TRAPPC9: variants seen among roughly 807,000 people sequenced by gnomAD.
TRAPPC9 encodes trafficking protein particle complex subunit 9.
TRAPPC9 carries 83 observed loss-of-function variants against 124.0 expected under a neutral mutation model. The ratio of observed to expected loss-of-function variants is 0.67; its 90% CI spans 0.56 to 0.80. The LOEUF is 0.80. Among genes scored for constraint, TRAPPC9 ranks in the 30% least tolerant of loss-of-function variants. The pLI, the probability that TRAPPC9 is intolerant of heterozygous loss-of-function variation, is 0.00. For missense variants in TRAPPC9, 1,302 were observed against 1,508.3 expected (o/e 0.86, Z 2.27); for synonymous variants, 638 against 617.5 (o/e 1.03, Z -0.49).
rs1475829582 is a variant in TRAPPC9 at position 140,015,248 on chromosome 8, A to G, written c.2699+8689T>C. Reference sequence around the variant, plus strand: ...AGGACATCTAGATGCCAGCCCTGTCACCTGCAAGCTGTGTGAACCTGAGCA... The same window carrying G: ...AGGACATCTAGATGCCAGCCCTGTCGCCTGCAAGCTGTGTGAACCTGAGCA... On this transcript the variant is annotated intron_variant, in intron 18 of 22. Transcript: ENST00000438773. Among the ~76,000 whole-genome samples the G allele has an allele frequency of 2.0e-5, 3 of 152,280 alleles. No homozygotes were observed. In the East Asian group the frequency reaches 5.8e-4, roughly 29 times the overall value.
intron 17 of TRAPPC9, among the ~76,000 whole-genome samples, chr8:140,103,556 C>T (rs569119746): frequency 3.3e-5 from 5 of 152,102 alleles, no homozygotes; most frequent in East Asian, 1.9e-4. Context: ...CCCCTCCAAC[C>T]GCAAAGAATT....
At chr8:140,414,174 A>C (rs917526292) in intron 5 of TRAPPC9, among the ~76,000 whole-genome samples, 4 of 152,192 alleles carry the variant, frequency 2.6e-5, no homozygotes, top group Admixed American at 1.3e-4. Flanking sequence ...GTTTTTAAGC[A>C]AGCTGAAAGA....
At chr8:140,373,188 T>C (rs1218125047) in intron 7 of TRAPPC9, among the ~76,000 whole-genome samples, 1 of 152,226 alleles carries the variant, frequency 6.6e-6, no homozygotes, top group African/African-American at 2.4e-5. Flanking sequence ...GGGGCCTCCA[T>C]GCTAATGACA....
At chr8:139,822,001 GTTCT>G (rs1825287122) in intron 21 of TRAPPC9, among the ~76,000 whole-genome samples, 1 of 152,222 alleles carries the variant, frequency 6.6e-6, no homozygotes, top group Admixed American at 6.5e-5. Context: ...AGATTTGAGA[GTTCT>G]TTCTCGGCAC....
chr8:139,760,740 G>T (rs943296206), intron 21 of TRAPPC9, among the ~76,000 whole-genome samples: 2 of 152,140 alleles, frequency 1.3e-5, no homozygotes, highest in African/African-American at 4.8e-5. Flanking sequence ...GATGGCGACA[G>T]GCAAAAAGAG....
intron 18 of TRAPPC9, among the ~76,000 whole-genome samples, chr8:140,018,546 C>T (rs951692215): frequency 2.0e-5 from 3 of 151,932 alleles, no homozygotes; most frequent in Admixed American, 6.6e-5. Context: ...CCAGGATGGT[C>T]TCGATCTCCT....
At chr8:139,988,685 AG>A (rs1218295098) in intron 19 of TRAPPC9, 40 bp downstream of exon 19, 12 of 1,359,008 alleles carry the variant, frequency 8.8e-6, no homozygotes, top group Middle Eastern at 4.8e-4. Flanking sequence ...GTGAAGGCAG[AG>A]GGTGGCCTGC....
chr8:140,445,441 G>A (rs1393004344), intron 2 of TRAPPC9, among the ~76,000 whole-genome samples: 2 of 152,206 alleles, frequency 1.3e-5, no homozygotes, highest in East Asian at 1.9e-4. Flanking sequence ...AAGGACTCAA[G>A]ACTCTCCTGT....
intron 17 of TRAPPC9, among the ~76,000 whole-genome samples, chr8:140,217,143 G>A (rs749535970): frequency 6.6e-6 from 1 of 152,194 alleles, no homozygotes; most frequent in Non-Finnish European, 1.5e-5. Context: ...TCAGCAAAGA[G>A]GCAGAGTGAG....
At chr8:139,829,804 T>C (rs1825856901) in intron 21 of TRAPPC9, among the ~76,000 whole-genome samples, 1 of 152,210 alleles carries the variant, frequency 6.6e-6, no homozygotes, top group South Asian at 2.1e-4. Flanking sequence ...GCTACACACA[T>C]GAGCTAGGCT....
chr8:140,239,688 C>T (rs768374703), intron 16 of TRAPPC9, among the ~76,000 whole-genome samples: 2 of 152,242 alleles, frequency 1.3e-5, no homozygotes, highest in African/African-American at 2.4e-5. Flanking sequence ...CTCGCCAGCC[C>T]CTGGGCTCTC....
At chr8:139,773,573 T>C (rs541188034) in intron 21 of TRAPPC9, among the ~76,000 whole-genome samples, 1 of 152,214 alleles carries the variant, frequency 6.6e-6, no homozygotes, top group African/African-American at 2.4e-5. Context: ...GACAGCTGCT[T>C]CCTGCTCACC....
At chr8:139,961,964 A>G in intron 19 of TRAPPC9, among the ~76,000 whole-genome samples, 1 of 123,886 alleles carries the variant, frequency 8.1e-6, no homozygotes, top group South Asian at 2.7e-4. Context: ...AGATGATGGG[A>G]CAACCAGCTG....
In TRAPPC9 at chr8:140,259,777, G is replaced by A. The variant is rs753192507; in HGVS notation, c.2279-6848C>T. 2.1e-4 allele frequency among the ~76,000 whole-genome samples: 32 copies of A among 152,196 alleles called. No individual in the cohort carries two copies. In the South Asian group the frequency reaches 2.3e-3, roughly 11 times the overall value. On this transcript the variant is annotated intron_variant, in intron 15 of 22. Transcript: ENST00000438773. ...TGTCCCTGGCATTCAGTGAGTGCAC[G>A]TTAGGGTTAGCTGCCATCAGCACCC...
chr8:140,289,333 G>A (rs1242964598), intron 12 of TRAPPC9, among the ~76,000 whole-genome samples: 1 of 152,142 alleles, frequency 6.6e-6, no homozygotes, highest in East Asian at 1.9e-4. Flanking sequence ...TGGAGCCAAG[G>A]TGTGAAATGA....
chr8:140,359,391 TA>T (rs1167282394), intron 9 of TRAPPC9, among the ~76,000 whole-genome samples: 11 of 151,970 alleles, frequency 7.2e-5, no homozygotes, highest in Admixed American at 5.9e-4. Flanking sequence ...AGGTCATGAC[TA>T]AAACTCAAAA....
intron 9 of TRAPPC9, among the ~76,000 whole-genome samples, chr8:140,315,348 A>G (rs552911084): frequency 1.3e-4 from 20 of 151,964 alleles, no homozygotes; most frequent in Non-Finnish European, 2.8e-4. Context: ...CACTGATGCA[A>G]GACCAGCATA....
At chr8:140,328,291 T>C (rs1213640758) in intron 9 of TRAPPC9, among the ~76,000 whole-genome samples, 1 of 151,800 alleles carries the variant, frequency 6.6e-6, no homozygotes, top group East Asian at 1.9e-4. Context: ...TTAATAACAA[T>C]AATTTAAAAT....
intron 5 of TRAPPC9, among the ~76,000 whole-genome samples, chr8:140,411,976 C>T (rs1387820989): frequency 1.3e-5 from 2 of 152,244 alleles, no homozygotes; most frequent in Non-Finnish European, 2.9e-5. Context: ...TCAGGTGAAA[C>T]TCTTCACTGA....
Sources: gnomAD v4.1 joint callset for allele counts (sites outside exome capture counted in the v4.1 genomes callset) on GRCh38, gnomAD v4.1.1 for gene constraint, MANE v1.5 for transcripts, NCBI Gene and HGNC (gene_info 2026-07-23, HGNC 2026-07-21) for gene names.